Variants in TET2 observed in about 807,000 individuals in gnomAD.
TET2 encodes methylcytosine dioxygenase TET2.
TET2 carries 299 observed loss-of-function variants against 142.9 expected under a neutral mutation model. That is an observed-to-expected ratio of 2.09 (90% CI 1.90 to 2.30). TET2 has a LOEUF of 2.30. TET2 is among the 30% of genes most tolerant of loss of function. The pLI, the probability that TET2 is intolerant of heterozygous loss-of-function variation, is 0.00. For synonymous variants in TET2, 819 were observed against 849.0 expected (o/e 0.96, Z 0.61); for missense variants, 2,418 against 2,378.0 (o/e 1.02, Z -0.35).
intron 2 of TET2, among the ~76,000 whole-genome samples, chr4:105,191,838 C>T (rs1350214322): frequency 6.6e-6 from 1 of 152,094 alleles, no homozygotes; most frequent in Non-Finnish European, 1.5e-5. Flanking sequence ...GGAAAGAGAA[C>T]TCAGTATAGT....
rs1731215469 is a variant in TET2 at position 105,276,208 on chromosome 4, G to C, written c.5698G>C (p.Val1900Leu). 1 of 1,551,570 alleles carries C rather than the reference G, an allele frequency of 6.4e-7. No homozygotes were observed. Among genetic ancestry groups the C allele is most frequent in the Non-Finnish European group, 8.7e-7 (1 of 1,146,958 alleles). The change falls in exon 11 of 11, where the codon GTC becomes CTC. Residue 1900 changes from valine to leucine, a missense_variant. Transcript: ENST00000380013. ...NRNHPTRISLVFYQHKSMNEP... is the reference protein window; with the variant it reads ...NRNHPTRISLLFYQHKSMNEP... ...GAATCACCCCACCAGGATCTCCCTCGTCTTTTACCAGCATAAGAGCATGAA... is the reference window on the plus strand; with the variant it reads ...GAATCACCCCACCAGGATCTCCCTCCTCTTTTACCAGCATAAGAGCATGAA...
chr4:105,229,185 G>GT (rs1728350267), intron 2 of TET2, among the ~76,000 whole-genome samples: 1 of 151,984 alleles, frequency 6.6e-6, no homozygotes, highest in African/African-American at 2.4e-5. Context: ...CACATTTTAA[G>GT]GGCTCAATAG....
At chr4:105,265,383 T>C (rs1730637447) in intron 8 of TET2, among the ~76,000 whole-genome samples, 1 of 152,236 alleles carries the variant, frequency 6.6e-6, no homozygotes, top group Admixed American at 6.5e-5. Context: ...TTTAGAATTG[T>C]CTTCCAGACA....
In TET2 at chr4:105,230,792, AT is replaced by A. The variant is rs529659970; in HGVS notation, c.-46-3104del. On this transcript the variant is annotated intron_variant, in intron 2 of 10. Transcript: ENST00000380013. The stretch of plus-strand genomic sequence containing the variant: ...ATTTTAGCAAACTTTCCCATCTTTT[AT>A]GACTTCTAGATTTTGTTTCACAAAA... Among the ~76,000 whole-genome samples the A allele has an allele frequency of 4.6e-5, 7 of 152,228 alleles. No homozygotes were observed. In the East Asian group the frequency reaches 1.4e-3, roughly 29 times the overall value.
Position 105,244,584 on chromosome 4 carries a change from A to ATCTTTT in TET2, c.3803+807_3803+808insCTTTTT, listed in dbSNP as rs1237638072. 1.3e-3 allele frequency among the ~76,000 whole-genome samples: 157 copies of ATCTTTT among 116,748 alleles called. 33 individuals carry two copies. The highest frequency in any genetic ancestry group is 4.1e-3 in the African/African-American group (117 of 28,462). The allele number at this position is 116,748 out of a possible 152,430, so 76.6% of individuals were successfully genotyped here. A position where few individuals can be genotyped will look rare whatever the true frequency, so the allele number is the denominator to read the frequency against. On this transcript the variant is annotated intron_variant, in intron 6 of 10. Coordinates refer to ENST00000380013, the MANE Select transcript of TET2 (RefSeq NM_001127208.3). Reference sequence around the variant, plus strand: ...TGAATGTTCACGGTGCTACACAGAAATGTTTTTTTTTTTTTTTTTTTTTTT... The same window carrying ATCTTTT: ...TGAATGTTCACGGTGCTACACAGAAATCTTTTTGTTTTTTTTTTTTTTTTTTTTTTT...
rs1730382263 is a variant in TET2 at position 105,260,704 on chromosome 4, TCA to T, written c.3954+938_3954+939del. 3.3e-5 allele frequency among the ~76,000 whole-genome samples: 5 copies of T among 152,126 alleles called. No homozygotes were observed. The South Asian group carries it at 6.2e-4, about 19-fold the overall frequency. On this transcript the variant is annotated intron_variant, in intron 7 of 10. Transcript: ENST00000380013. ...ATTAAGCTTTCACTTACTATTATAG[TCA>T]CAGTTAATAAAGCAAGTGCAAAAAC... is the stretch of plus-strand genomic sequence containing the variant.
chr4:105,231,738 A>G (rs1276455978), intron 2 of TET2, among the ~76,000 whole-genome samples: 2 of 152,130 alleles, frequency 1.3e-5, no homozygotes, highest in Non-Finnish European at 2.9e-5. Context: ...TTCTACTTAT[A>G]TCTTTAAAAT....
rs925514276 is a variant in TET2, at chr4:105,278,803, G to T, written c.*2284G>T. 4.3e-6 allele frequency: 1 copy of T among 232,898 alleles called. No homozygotes were observed. The highest frequency in any genetic ancestry group is 2.2e-5 in the African/African-American group (1 of 45,318). The allele number at this position is 232,898 out of a possible 1,614,324, so 14.4% of individuals were successfully genotyped here. ...TTGTAAGGCAGGAGTTTGGCAAGTGGCTGTTGGCCAGAGACTTACTTGTAA... is the reference window on the plus strand; with the variant it reads ...TTGTAAGGCAGGAGTTTGGCAAGTGTCTGTTGGCCAGAGACTTACTTGTAA... On this transcript the variant is annotated 3_prime_UTR_variant, in exon 11 of 11. Coordinates refer to ENST00000380013, the MANE Select transcript of TET2 (RefSeq NM_001127208.3).
rs145216095 is a variant in TET2 at position 105,220,087 on chromosome 4, A to G, written c.-46-13810A>G. ...AATATGTTCAATAAATATTCGTTGC[A>G]TGAAAGAATGAATACCTTGACAGAT... On this transcript the variant is annotated intron_variant, in intron 2 of 10. Coordinates refer to ENST00000380013, the MANE Select transcript of TET2 (RefSeq NM_001127208.3). Among the ~76,000 whole-genome samples the G allele has an allele frequency of 3.0e-3, 453 of 152,264 alleles. 5 individuals are homozygous for G. Among genetic ancestry groups the G allele is most frequent in the African/African-American group, 7.2e-3 (298 of 41,548 alleles).
At chr4:105,204,277 A>T (rs1726683968) in intron 2 of TET2, among the ~76,000 whole-genome samples, 1 of 151,122 alleles carries the variant, frequency 6.6e-6, no homozygotes, top group Non-Finnish European at 1.5e-5. Flanking sequence ...ACATACATAC[A>T]TACATTAGAA....
Position 105,269,624 on chromosome 4 carries a change from CAG to C in TET2, c.4062_4063del (p.Arg1354SerfsTer46), listed in dbSNP as rs1413502636. ...AYNNQIEYEH[R>X]APECRLGLKE... is the part of the protein sequence containing the mutation. ...TTATTTTTCAGATTGAATATGAACACAGAGCACCAGAGTGCCGTCTGGGTCTG... is the reference window on the plus strand; with the variant it reads ...TTATTTTTCAGATTGAATATGAACACAGCACCAGAGTGCCGTCTGGGTCTG... On this transcript the variant is annotated frameshift_variant, in exon 9 of 11. Transcript: ENST00000380013. LOFTEE classifies it high-confidence loss of function. 1 of 1,551,446 alleles carries C rather than the reference CAG, an allele frequency of 6.4e-7. No homozygotes were observed. Among genetic ancestry groups the C allele is most frequent in the African/African-American group, 1.4e-5 (1 of 73,024 alleles).
At chr4:105,259,587 A>G (rs912020198) in intron 6 of TET2, 32 bp from the exon 7 acceptor site, 8 of 1,548,618 alleles carry the variant, frequency 5.2e-6, no homozygotes, top group South Asian at 3.6e-5. Flanking sequence ...AATGCTATCC[A>G]TAGCAATGAA....
rs1422240501 is a variant in TET2 at position 105,275,787 on chromosome 4, T to C, written c.5277T>C (p.Pro1759=). The C allele has an allele frequency of 6.4e-7, 1 of 1,551,724 alleles. No homozygotes were observed. Among genetic ancestry groups the C allele is most frequent in the Non-Finnish European group, 8.7e-7 (1 of 1,146,994 alleles). Residue 1759 remains proline, a synonymous_variant, in exon 11 of 11, where the codon CCT becomes CCC. Coordinates refer to ENST00000380013, the MANE Select transcript of TET2 (RefSeq NM_001127208.3). ...ATAAAAATGGTGAACATCATTCACC[T>C]TCTCACATAATCCATAACTACAGTG... The part of the protein sequence containing the change: ...MDYKNGEHHS[P]SHIIHNYSAA...
At chr4:105,148,148 GT>G (rs573391857) in intron 1 of TET2, among the ~76,000 whole-genome samples, 5 of 152,016 alleles carry the variant, frequency 3.3e-5, no homozygotes, top group Admixed American at 6.6e-5. Context: ...AGCTAATAGG[GT>G]TTGTATGGAG....
intron 1 of TET2, among the ~76,000 whole-genome samples, chr4:105,153,807 A>G (rs943479957): frequency 6.6e-6 from 1 of 152,262 alleles, no homozygotes; most frequent in Non-Finnish European, 1.5e-5. Context: ...AGAGAAAGTC[A>G]TAAAAGGAGA....
chr4:105,236,083 C>A lies in TET2; in HGVS notation c.2141C>A (p.Ser714Ter). The A allele has an allele frequency of 6.2e-7, 1 of 1,614,158 alleles. No homozygotes were observed. The highest frequency in any genetic ancestry group is 8.5e-7 in the Non-Finnish European group (1 of 1,180,012). Reference sequence around the variant, plus strand: ...CAGGCTTCAGAGACTGAGCCATTTTCAAACTCACACCTTTTGCAACATAAG... The same window carrying A: ...CAGGCTTCAGAGACTGAGCCATTTTAAAACTCACACCTTTTGCAACATAAG... ...NQQASETEPFSNSHLLQHKPH... is the reference protein window; with the variant it reads ...NQQASETEPF The change falls in exon 3 of 11, where the codon TCA becomes TAA. Residue 714 changes from serine to a stop codon, truncating the protein, a stop_gained. Coordinates refer to ENST00000380013, the MANE Select transcript of TET2 (RefSeq NM_001127208.3). LOFTEE classifies it high-confidence loss of function.
At position 105,275,079 on chromosome 4, in the gene TET2, G is replaced by T. The variant is rs1046126515; in HGVS notation, c.4569G>T (p.Gln1523His). The change falls in exon 11 of 11, where the codon CAG becomes CAT. Residue 1523 changes from glutamine to histidine, a missense_variant. Transcript: ENST00000380013. ...ELLRLSGPVM[Q>H]QSQQPQPLQK... ...TGCGACTTTCAGGACCAGTCATGCAGCAGTCCCAGCAGCCCCAGCCTCTAC... is the reference window on the plus strand; with the variant it reads ...TGCGACTTTCAGGACCAGTCATGCATCAGTCCCAGCAGCCCCAGCCTCTAC... The T allele has an allele frequency of 1.3e-6, 2 of 1,547,000 alleles. No individual in the cohort carries two copies. Among genetic ancestry groups the T allele is most frequent in the Non-Finnish European group, 1.7e-6 (2 of 1,144,754 alleles).
chr4:105,267,442 G>C (rs1730734801), intron 8 of TET2, among the ~76,000 whole-genome samples: 1 of 151,428 alleles, frequency 6.6e-6, no homozygotes, highest in African/African-American at 2.4e-5. Flanking sequence ...GGAATTGAAA[G>C]TATATTATTG....
At chr4:105,147,783 C>T (rs1197669890) in intron 1 of TET2, 1 of 142,538 alleles carries the variant, frequency 7.0e-6, no homozygotes, top group Non-Finnish European at 1.5e-5. Context: ...CCCGAATCAG[C>T]TTCGTTTGGT....
Sources: gnomAD v4.1 joint callset for allele counts (sites outside exome capture counted in the v4.1 genomes callset) on GRCh38, gnomAD v4.1.1 for gene constraint, MANE v1.5 for transcripts, NCBI Gene and HGNC (gene_info 2026-07-23, HGNC 2026-07-21) for gene names.